Variants in MMP14 observed in about 807,000 individuals in gnomAD.
The protein encoded by MMP14 is matrix metalloproteinase-14.
A neutral mutation model predicts 64.8 loss-of-function variants in MMP14; 13 were observed. The ratio of observed to expected loss-of-function variants is 0.20; its 90% CI spans 0.13 to 0.32. MMP14 has a LOEUF of 0.32. MMP14 is among the 10% of genes least tolerant of loss of function. The probability of loss-of-function intolerance (pLI) is 1.00; values close to 1 mark genes in which losing one functional copy is unlikely to be tolerated. For synonymous variants in MMP14, 322 were observed against 315.9 expected (o/e 1.02, Z -0.20); for missense variants, 594 against 783.8 (o/e 0.76, Z 2.89).
rs1046057756 is a variant in MMP14, at chr14:22,836,704, C to G, written c.-114C>G. On this transcript the variant is annotated 5_prime_UTR_variant, in exon 1 of 10. Transcript: ENST00000311852. Reference sequence around the variant, plus strand: ...CCAAGCCGACAGCGGTCTAGGAATTCAAGTTCAGTGCCTACCGAAGACAAA... The same window carrying G: ...CCAAGCCGACAGCGGTCTAGGAATTGAAGTTCAGTGCCTACCGAAGACAAA... The G allele has an allele frequency of 3.4e-6, 2 of 584,468 alleles. No homozygotes were observed. Among genetic ancestry groups the G allele is most frequent in the Non-Finnish European group, 5.9e-6 (2 of 336,618 alleles). The allele number at this position is 584,468 out of a possible 1,614,324, so 36.2% of individuals were successfully genotyped here.
Position 22,844,896 on chromosome 14 carries a change from C to T in MMP14, c.1301+116C>T. 3 of 1,394,852 alleles carry T rather than the reference C, an allele frequency of 2.2e-6. No homozygotes were observed. The Admixed American group carries it at 5.7e-5, about 26-fold the overall frequency. 86.4% of individuals were successfully genotyped at this position (1,394,852 alleles called of 1,614,324 possible). On this transcript the variant is annotated intron_variant, in intron 8 of 9. Transcript: ENST00000311852. ...CCAACATGCTTCCCTGGAGAAGGAG[C>T]TGGCTGAGCCTCTGCTGTTGCCTAG...
At position 22,836,878 on chromosome 14, in the gene MMP14, G is replaced by A. The variant is rs780367986; in HGVS notation, c.61G>A (p.Ala21Thr). Residue 21 changes from alanine to threonine, a missense_variant, in exon 1 of 10, where the codon GCG (alanine) becomes ACG (threonine). Transcript: ENST00000311852. ...LLLPLLTLGT[A>T]LASLGSAQSS... ...GCTCCCCCTGCTCACGCTCGGCACCGCGCTCGCCTCCCTCGGCTCGGCCCA... is the reference window on the plus strand; with the variant it reads ...GCTCCCCCTGCTCACGCTCGGCACCACGCTCGCCTCCCTCGGCTCGGCCCA... 29 of 1,613,418 alleles carry A rather than the reference G, an allele frequency of 1.8e-5. No individual in the cohort carries two copies. The highest frequency in any genetic ancestry group is 2.4e-5 in the Non-Finnish European group (28 of 1,179,778).
intron 1 of MMP14, among the ~76,000 whole-genome samples, chr14:22,837,924 C>G (rs1282542482): frequency 1.3e-5 from 2 of 152,210 alleles, no homozygotes; most frequent in Non-Finnish European, 2.9e-5. Flanking sequence ...TCTCAACCCA[C>G]TCAGCCTGGC....
At chr14:22,838,203 G>A (rs914390449) in intron 1 of MMP14, among the ~76,000 whole-genome samples, 1 of 152,190 alleles carries the variant, frequency 6.6e-6, no homozygotes, top group African/African-American at 2.4e-5. Flanking sequence ...TCCGGGAGGA[G>A]TCGTCCTCTT....
chr14:22,843,835 G>A lies in MMP14; in HGVS notation c.976G>A (p.Val326Met), dbSNP rs747054970. Residue 326 changes from valine to methionine, a missense_variant, in exon 6 of 10, where the codon GTG (valine) becomes ATG (methionine). By Grantham distance (21) the Val-to-Met change is conservative (BLOSUM62 1). This residue lies in a region of MMP14 where 364 missense variants were observed against 425.2 expected (regional missense o/e 0.86). Transcript: ENST00000311852. The surrounding 1 kb of genome is among the most constrained non-coding windows in gnomAD (Gnocchi z 4.8). ...PNICDGNFDT[V>M]AMLRGEMFVF... ...CATCTGTGACGGGAACTTTGACACCGTGGCCATGCTCCGAGGGGAGATGTT... is the reference window on the plus strand; with the variant it reads ...CATCTGTGACGGGAACTTTGACACCATGGCCATGCTCCGAGGGGAGATGTT... 2.1e-5 allele frequency: 34 copies of A among 1,612,750 alleles called. No individual in the cohort carries two copies. The highest frequency in any genetic ancestry group is 8.9e-5 in the East Asian group (4 of 44,868).
chr14:22,841,141 T>C (rs1345395343), intron 1 of MMP14, among the ~76,000 whole-genome samples: 2 of 152,372 alleles, frequency 1.3e-5, no homozygotes, highest in Non-Finnish European at 2.9e-5. Context: ...ACATGCTATA[T>C]TTGTAAGAAC....
intron 1 of MMP14, 107 bp downstream of exon 1, chr14:22,837,032 C>A: frequency 1.2e-6 from 1 of 823,066 alleles, no homozygotes; most frequent in Non-Finnish European, 2.0e-6. Flanking sequence ...TTGGGATCTC[C>A]GCTGCTCAGG....
chr14:22,842,059 T>C lies in MMP14; in HGVS notation c.380+24T>C. 6.2e-7 allele frequency: 1 copy of C among 1,613,996 alleles called. No homozygotes were observed. On this transcript the variant is annotated intron_variant, in intron 3 of 9. Coordinates refer to ENST00000311852, the MANE Select transcript of MMP14 (RefSeq NM_004995.4). This position sits in a 1 kb window ranked among gnomAD's most constrained non-coding sequence, Gnocchi z 5.3. ...TGGTGAGTCCAACAGGCAAGCAACC[T>C]TTCTCACATCTGGTTATTATTTCCT...
intron 7 of MMP14, 37 bp downstream of exon 7, chr14:22,844,546 G>A: frequency 1.2e-6 from 2 of 1,613,788 alleles, no homozygotes; most frequent in Non-Finnish European, 1.7e-6. Flanking sequence ...TGGGAGTGAG[G>A]CGGGTCTCCC....
intron 1 of MMP14, among the ~76,000 whole-genome samples, chr14:22,837,987 G>A (rs1159390146): frequency 1.3e-5 from 2 of 152,202 alleles, no homozygotes; most frequent in Non-Finnish European, 2.9e-5. Flanking sequence ...AAGGGGGATG[G>A]GATATGGGTT....
In MMP14 at chr14:22,843,575, G is replaced by T; in HGVS notation, c.851-135G>T. The T allele has an allele frequency of 2.2e-6, 3 of 1,373,270 alleles. No homozygotes were observed. Among genetic ancestry groups the T allele is most frequent in the African/African-American group, 1.5e-5 (1 of 68,610 alleles). 85.1% of individuals were successfully genotyped at this position (1,373,270 alleles called of 1,614,324 possible). The stretch of plus-strand genomic sequence containing the variant: ...CACTTTTGAGCCCATCTTTTGTGTC[G>T]CCTCCCAGTTGGTTGCTTCAGCCTC... On this transcript the variant is annotated intron_variant, in intron 5 of 9. Transcript: ENST00000311852. The surrounding 1 kb of genome is among the most constrained non-coding windows in gnomAD (Gnocchi z 4.8).
In MMP14 at chr14:22,845,756, A is replaced by G. The variant is rs202162126; in HGVS notation, c.1466A>G (p.Gln489Arg). 82 of 1,614,040 alleles carry G rather than the reference A, an allele frequency of 5.1e-5. No homozygotes were observed. Among genetic ancestry groups the G allele is most frequent in the Non-Finnish European group, 2.1e-5 (25 of 1,180,050 alleles). The change falls in exon 10 of 10, where the codon CAG becomes CGG. Residue 489 changes from glutamine (Q) to arginine (R), a missense_variant. Gln to Arg is a conservative substitution (Grantham distance 43). Transcript: ENST00000311852. ...KGNKYWKFNN[Q>R]KLKVEPGYPK... ...AACAAATACTGGAAATTCAACAACC[A>G]GAAGCTGAAGGTAGAACCGGGCTAC...
At position 22,842,550 on chromosome 14, in the gene MMP14, A is replaced by C. The variant is rs2039780808; in HGVS notation, c.521A>C (p.Gln174Pro). The C allele has an allele frequency of 2.5e-6, 4 of 1,614,200 alleles. No individual in the cohort carries two copies. Among genetic ancestry groups the C allele is most frequent in the African/African-American group, 2.7e-5 (2 of 75,070 alleles). Residue 174 changes from glutamine (Q) to proline (P), a missense_variant, in exon 4 of 10, where the codon CAG becomes CCG. Around this residue, in one of 4 missense-constraint regions of MMP14, gnomAD observed 179 missense variants for 283.4 expected, o/e 0.63. Coordinates refer to ENST00000311852, the MANE Select transcript of MMP14 (RefSeq NM_004995.4). The surrounding 1 kb of genome is among the most constrained non-coding windows in gnomAD (Gnocchi z 5.3). ...YAYIREGHEK[Q>P]ADIMIFFAEG... ...TACATCCGTGAGGGCCATGAGAAGC[A>C]GGCCGACATCATGATCTTCTTTGCC...
Position 22,841,894 on chromosome 14 carries a change from G to C in MMP14, c.258-19G>C. On this transcript the variant is annotated intron_variant, in intron 2 of 9. Transcript: ENST00000311852. Reference sequence around the variant, plus strand: ...ATACACTGCACTGATCCCAATCCTCGCACCCAAACCCACTCCAGGGCCATG... The same window carrying C: ...ATACACTGCACTGATCCCAATCCTCCCACCCAAACCCACTCCAGGGCCATG... The C allele has an allele frequency of 6.2e-7, 1 of 1,614,056 alleles. No individual in the cohort carries two copies. The highest frequency in any genetic ancestry group is 2.2e-5 in the East Asian group (1 of 44,888).
In MMP14 at chr14:22,844,400, C is replaced by T; in HGVS notation, c.1041C>T (p.Asn347=). ...GCTGGTTCTGGCGGGTGAGGAATAA[C>T]CAAGTGATGGATGGATACCCAATGC... ...KERWFWRVRN[N]QVMDGYPMPI... Residue 347 remains asparagine, a synonymous_variant, in exon 7 of 10, where the codon AAC becomes AAT. Coordinates refer to ENST00000311852, the MANE Select transcript of MMP14 (RefSeq NM_004995.4). 1.2e-6 allele frequency: 2 copies of T among 1,614,098 alleles called. No homozygotes were observed. Among genetic ancestry groups the T allele is most frequent in the Non-Finnish European group, 1.7e-6 (2 of 1,179,984 alleles).
At position 22,847,709 on chromosome 14, in the gene MMP14, C is replaced by T. The variant is rs1182035179; in HGVS notation, c.*1670C>T. On this transcript the variant is annotated 3_prime_UTR_variant, in exon 10 of 10. Transcript: ENST00000311852. ...GGGCTGGGTCGGTGCCCTCTAAGGA[C>T]AATTTTGACCTTGTTCAACCTTTCC... is the stretch of plus-strand genomic sequence containing the variant. The T allele has an allele frequency of 6.6e-6, 1 of 151,988 alleles. No individual in the cohort carries two copies. Among genetic ancestry groups the T allele is most frequent in the Non-Finnish European group, 1.5e-5 (1 of 68,008 alleles). The allele number at this position is 151,988 out of a possible 1,614,324, so 9.4% of individuals were successfully genotyped here. A position where few individuals can be genotyped will look rare whatever the true frequency, so the allele number is the denominator to read the frequency against.
At position 22,843,916 on chromosome 14, in the gene MMP14, C is replaced by T. The variant is rs1419506128; in HGVS notation, c.1011+46C>T. On this transcript the variant is annotated intron_variant, in intron 6 of 9. Coordinates refer to ENST00000311852, the MANE Select transcript of MMP14 (RefSeq NM_004995.4). The surrounding 1 kb of genome is among the most constrained non-coding windows in gnomAD (Gnocchi z 4.8). ...TTGAAAGACAAAAGGGCCCTATGGG[C>T]TGGGCATGGTGGCTCATGCCTGTAA... 1 of 1,595,306 alleles carries T rather than the reference C, an allele frequency of 6.3e-7. No individual in the cohort carries two copies.
chr14:22,841,730 AC>A, intron 2 of MMP14, 91 bp downstream of exon 2: 2 of 1,570,930 alleles, frequency 1.3e-6, no homozygotes, highest in Non-Finnish European at 8.7e-7. Context: ...TGGCTTGTGC[AC>A]CCCACTCCCC....
In MMP14 at chr14:22,844,671, G is replaced by C; in HGVS notation, c.1192G>C (p.Gly398Arg). 1 of 1,614,068 alleles carries C rather than the reference G, an allele frequency of 6.2e-7. No homozygotes were observed. The highest frequency in any genetic ancestry group is 8.5e-7 in the Non-Finnish European group (1 of 1,180,010). ...WVFDEASLEPGYPKHIKELGR... is the reference protein window; with the variant it reads ...WVFDEASLEPRYPKHIKELGR... ...GTTTGATGAGGCGTCCCTGGAACCT[G>C]GCTACCCCAAGCACATTAAGGAGCT... The change falls in exon 8 of 10, where the codon GGC (glycine) becomes CGC (arginine). Residue 398 changes from glycine (G) to arginine (R), a missense_variant. Gly to Arg is a moderately radical substitution (Grantham distance 125). Coordinates refer to ENST00000311852, the MANE Select transcript of MMP14 (RefSeq NM_004995.4).
Sources: allele counts gnomAD v4.1 joint callset (sites outside exome capture counted in the v4.1 genomes callset), GRCh38; gene constraint gnomAD v4.1.1; regional missense constraint gnomAD v4.1.1; non-coding constraint Gnocchi (gnomAD v3.1); transcripts MANE v1.5; gene names NCBI Gene and HGNC (gene_info 2026-07-23, HGNC 2026-07-21).